Variants in ABI1 observed in about 807,000 individuals in gnomAD.
ABI1 encodes Abelson interactor 1.
In ABI1, 14 loss-of-function variants were observed where a neutral mutation model predicts 54.6. The ratio of observed to expected loss-of-function variants is 0.26; its 90% CI spans 0.17 to 0.40. The LOEUF (loss-of-function observed/expected upper bound fraction) is 0.40, where lower values mean the gene tolerates loss of function less well. Among genes scored for constraint, ABI1 ranks in the 10% least tolerant of loss-of-function variants. The pLI is 1.00. For missense variants in ABI1, 443 were observed against 598.3 expected, an observed-to-expected ratio of 0.74 and a Z score of 2.71; for synonymous variants, 194 against 209.3, an observed-to-expected ratio of 0.93 and a Z score of 0.63.
intron 2 of ABI1, among the ~76,000 whole-genome samples, chr10:26,809,558 C>CAAAT (rs1011517793): frequency 2.0e-5 from 3 of 151,392 alleles, no homozygotes; most frequent in African/African-American, 4.9e-5. Flanking sequence ...ACCCTATGTC[C>CAAAT]AAATAAATAA....
intron 2 of ABI1, among the ~76,000 whole-genome samples, chr10:26,815,514 G>GA (rs1223868762): frequency 6.6e-6 from 1 of 152,104 alleles, no homozygotes; most frequent in African/African-American, 2.4e-5. Context: ...TTTTGTTACT[G>GA]AAAAAACAAA....
chr10:26,840,577 A>G (rs2049423798), intron 1 of ABI1, among the ~76,000 whole-genome samples: 1 of 152,200 alleles, frequency 6.6e-6, no homozygotes, highest in Non-Finnish European at 1.5e-5. Flanking sequence ...GTATGACACT[A>G]CCTGACAAAT....
At chr10:26,764,512 T>G (rs1006105525) in intron 7 of ABI1, among the ~76,000 whole-genome samples, 1 of 152,218 alleles carries the variant, frequency 6.6e-6, no homozygotes, top group Non-Finnish European at 1.5e-5. Flanking sequence ...TAATTCACCT[T>G]TATAGACACT....
chr10:26,826,459 A>C (rs966774209), intron 1 of ABI1, among the ~76,000 whole-genome samples: 2 of 152,222 alleles, frequency 1.3e-5, no homozygotes, highest in African/African-American at 4.8e-5. Context: ...ATAATTCTAA[A>C]GGGCCTTAGG....
intron 1 of ABI1, among the ~76,000 whole-genome samples, chr10:26,858,242 T>C (rs1260156396): frequency 6.6e-6 from 1 of 152,078 alleles, no homozygotes; most frequent in Admixed American, 6.6e-5. Context: ...CAGAAAGACC[T>C]CAACAGACAC....
intron 1 of ABI1, among the ~76,000 whole-genome samples, chr10:26,844,620 T>C (rs2049834503): frequency 6.6e-6 from 1 of 152,168 alleles, no homozygotes; most frequent in Non-Finnish European, 1.5e-5. Flanking sequence ...AATTCAATTG[T>C]GGAGGAGTAA....
chr10:26,788,609 C>T, intron 2 of ABI1, among the ~76,000 whole-genome samples: 1 of 152,116 alleles, frequency 6.6e-6, no homozygotes, highest in East Asian at 1.9e-4. Flanking sequence ...GTCTAATAAA[C>T]ATTAAGATAC....
At chr10:26,778,384 T>C (rs1005559690) in intron 2 of ABI1, among the ~76,000 whole-genome samples, 17 of 151,116 alleles carry the variant, frequency 1.1e-4, no homozygotes, top group African/African-American at 4.1e-4. Context: ...AAGATCCCAC[T>C]AGCAGAGGTA....
chr10:26,787,912 A>C (rs1461497779), intron 2 of ABI1, among the ~76,000 whole-genome samples: 1 of 151,620 alleles, frequency 6.6e-6, no homozygotes, highest in Non-Finnish European at 1.5e-5. Flanking sequence ...ATTATGTTTG[A>C]ATACTAACTC....
At chr10:26,790,371 T>A (rs750553533) in intron 2 of ABI1, among the ~76,000 whole-genome samples, 12 of 152,238 alleles carry the variant, frequency 7.9e-5, no homozygotes, top group Non-Finnish European at 1.3e-4. Context: ...TATTTGCATT[T>A]CTTTAATGGT....
chr10:26,765,013 T>G (rs1338866698), intron 7 of ABI1, among the ~76,000 whole-genome samples: 1 of 151,230 alleles, frequency 6.6e-6, no homozygotes, highest in Non-Finnish European at 1.5e-5. Flanking sequence ...ATGCAGTATA[T>G]ATAAGGAGAA....
chr10:26,815,395 T>A (rs2047497936), intron 2 of ABI1, among the ~76,000 whole-genome samples: 1 of 152,196 alleles, frequency 6.6e-6, no homozygotes, highest in Non-Finnish European at 1.5e-5. Context: ...AATAACTACA[T>A]CTGTATGAAT....
chr10:26,780,762 T>A (rs1044574373), intron 2 of ABI1, among the ~76,000 whole-genome samples: 3 of 152,148 alleles, frequency 2.0e-5, no homozygotes, highest in Non-Finnish European at 4.4e-5. Flanking sequence ...CTCAACATTT[T>A]ATGGCTCTGT....
At chr10:26,851,538 A>G (rs2050395292) in intron 1 of ABI1, among the ~76,000 whole-genome samples, 1 of 152,028 alleles carries the variant, frequency 6.6e-6, no homozygotes, top group Admixed American at 6.6e-5. Flanking sequence ...GAGATAGGTC[A>G]GTTACTAGAT....
chr10:26,853,717 T>C (rs2050596617), intron 1 of ABI1, among the ~76,000 whole-genome samples: 1 of 151,914 alleles, frequency 6.6e-6, no homozygotes, highest in African/African-American at 2.4e-5. Flanking sequence ...TTTGTTTCTG[T>C]ATTTTTAGTA....
chr10:26,819,530 G>C (rs1222287972), intron 2 of ABI1, among the ~76,000 whole-genome samples: 1 of 152,164 alleles, frequency 6.6e-6, no homozygotes, highest in African/African-American at 2.4e-5. Flanking sequence ...CAATTAGATA[G>C]AATCAGTAAA....
In ABI1 at chr10:26,823,137, C is replaced by T. The variant is rs758626148; in HGVS notation, c.285+1G>A. On this transcript the variant is annotated splice_donor_variant, in intron 2 of 10. Transcript: ENST00000376140. LOFTEE classifies it high-confidence loss of function. ...ATTTAAAGCATTTTATAAGCTGTTA[C>T]CTGTGAGATATGATTGATGGAAGAC... The T allele has an allele frequency of 1.3e-6, 2 of 1,588,668 alleles. No homozygotes were observed. The highest frequency in any genetic ancestry group is 1.2e-5 in the South Asian group (1 of 85,132).
At chr10:26,848,523 G>A (rs775403090) in intron 1 of ABI1, among the ~76,000 whole-genome samples, 20 of 151,404 alleles carry the variant, frequency 1.3e-4, no homozygotes, top group Non-Finnish European at 2.8e-4. Flanking sequence ...ATCAGTACTA[G>A]TGAAAGGTGA....
At position 26,823,134 on chromosome 10, in the gene ABI1, T is replaced by C. The variant is rs1043016286; in HGVS notation, c.285+4A>G. 1 of 1,585,494 alleles carries C rather than the reference T, an allele frequency of 6.3e-7. No individual in the cohort carries two copies. On this transcript the variant is annotated splice_donor_region_variant and intron_variant, in intron 2 of 10. Transcript: ENST00000376140. ...TGAATTTAAAGCATTTTATAAGCTG[T>C]TACCTGTGAGATATGATTGATGGAA...
Sources: gnomAD v4.1 joint callset for allele counts (sites outside exome capture counted in the v4.1 genomes callset) on GRCh38, gnomAD v4.1.1 for gene constraint, MANE v1.5 for transcripts, NCBI Gene and HGNC (gene_info 2026-07-23, HGNC 2026-07-21) for gene names.